The following REV1 variants were observed in gnomAD, a reference collection of about 807,000 sequenced individuals.
REV1 encodes the protein translesion synthesis protein REV1.
REV1 carries 42 observed loss-of-function variants against 137.4 expected under a neutral mutation model. The observed-to-expected ratio is 0.31, with a 90% CI of 0.24 to 0.40. The LOEUF is 0.40. Among genes scored for constraint, REV1 ranks in the 10% least tolerant of loss-of-function variants. REV1 has a pLI of 1.00. For missense variants in REV1, 1,282 were observed against 1,490.1 expected, an observed-to-expected ratio of 0.86 and a Z score of 2.30; for synonymous variants, 524 against 519.2, an observed-to-expected ratio of 1.01 and a Z score of -0.12.
At chr2:99,437,445 T>C (rs1043225634) in intron 6 of REV1, among the ~76,000 whole-genome samples, 1 of 151,972 alleles carries the variant, frequency 6.6e-6, no homozygotes, top group African/African-American at 2.4e-5. Context: ...TGCTAAACTA[T>C]CTAACTCCAA....
chr2:99,468,468 T>C (rs1271456455), intron 1 of REV1, among the ~76,000 whole-genome samples: 1 of 152,230 alleles, frequency 6.6e-6, no homozygotes, highest in Non-Finnish European at 1.5e-5. Flanking sequence ...CAATGTGTCC[T>C]CTTGACTAAA....
intron 12 of REV1, among the ~76,000 whole-genome samples, chr2:99,417,442 C>A (rs1158435908): frequency 6.6e-6 from 1 of 152,094 alleles, no homozygotes; most frequent in African/African-American, 2.4e-5. Flanking sequence ...CCATGCCCGG[C>A]CACAGTGTGA....
intron 9 of REV1, among the ~76,000 whole-genome samples, chr2:99,425,121 G>T (rs1463985879): frequency 6.6e-6 from 1 of 152,044 alleles, no homozygotes; most frequent in Non-Finnish European, 1.5e-5. Flanking sequence ...TAGGATAATG[G>T]TTATTCTATA....
At chr2:99,438,251 A>G (rs986680010) in intron 6 of REV1, among the ~76,000 whole-genome samples, 2 of 152,206 alleles carry the variant, frequency 1.3e-5, no homozygotes, top group Non-Finnish European at 2.9e-5. Context: ...ACTCTTATCA[A>G]ACCAATTTCA....
chr2:99,482,172 A>T (rs1323214091), intron 1 of REV1, among the ~76,000 whole-genome samples: 1 of 152,246 alleles, frequency 6.6e-6, no homozygotes, highest in Non-Finnish European at 1.5e-5. Flanking sequence ...ATGTAATAAA[A>T]GTCCCATAAA....
At chr2:99,405,021 C>T (rs192641349) in intron 17 of REV1, among the ~76,000 whole-genome samples, 22 of 152,290 alleles carry the variant, frequency 1.4e-4, no homozygotes, top group Admixed American at 2.0e-4. Context: ...AGATCCCACC[C>T]CAGGGAGGGG....
Position 99,402,950 on chromosome 2 carries a change from C to T in REV1, c.3323G>A (p.Ser1108Asn). The change falls in exon 20 of 23, where the codon AGT (serine) becomes AAT (asparagine). Residue 1108 changes from serine to asparagine, a missense_variant. By Grantham distance (46) the Ser-to-Asn change is conservative. Around this residue, in one of 7 missense-constraint regions of REV1, gnomAD observed 170 missense variants for 156.8 expected, o/e 1.08. Transcript: ENST00000258428. ...AAACCCATCAATTAACTTCTGGGGA[C>T]TGCCACAGGCCCCTGGCAGAGTTTT... The part of the protein sequence containing the change: ...PAKTLPGACG[S>N]PQKLIDGFLK... 6.2e-7 allele frequency: 1 copy of T among 1,614,244 alleles called. No individual in the cohort carries two copies. Among genetic ancestry groups the T allele is most frequent in the Non-Finnish European group, 8.5e-7 (1 of 1,180,050 alleles).
At chr2:99,481,576 T>C (rs1055170016) in intron 1 of REV1, among the ~76,000 whole-genome samples, 1 of 152,128 alleles carries the variant, frequency 6.6e-6, no homozygotes, top group African/African-American at 2.4e-5. Flanking sequence ...TAATAAAGAA[T>C]TTGGGGCCCA....
chr2:99,475,848 G>A (rs1685912430), intron 1 of REV1, among the ~76,000 whole-genome samples: 1 of 152,122 alleles, frequency 6.6e-6, no homozygotes. Flanking sequence ...GTCAGGCGTG[G>A]TGGTGGGAGC....
At chr2:99,451,614 GCTTTCTCCT>G in intron 3 of REV1, 2 of 565,764 alleles carry the variant, frequency 3.5e-6, no homozygotes, top group Non-Finnish European at 6.0e-6. Flanking sequence ...ACTTCTTTAG[GCTTTCTCCT>G]CTTTCTCCAT....
intron 10 of REV1, among the ~76,000 whole-genome samples, chr2:99,423,742 A>C (rs1451884903): frequency 6.6e-6 from 1 of 152,222 alleles, no homozygotes; most frequent in Non-Finnish European, 1.5e-5. Context: ...TAAAGGTTTT[A>C]AAGTGTCTCC....
intron 4 of REV1, among the ~76,000 whole-genome samples, chr2:99,447,769 TG>T (rs1682409099): frequency 6.6e-6 from 1 of 151,660 alleles, no homozygotes; most frequent in South Asian, 2.1e-4. Context: ...TTGCCCAGGC[TG>T]GTGCAGTGGC....
chr2:99,427,749 G>A (rs940349913), intron 9 of REV1, among the ~76,000 whole-genome samples: 11 of 151,942 alleles, frequency 7.2e-5, no homozygotes, highest in Non-Finnish European at 1.3e-4. Flanking sequence ...TCACAATTAA[G>A]GGACAAAAAT....
rs759569824 is a variant in REV1, at chr2:99,403,771, C to T, written c.3090G>A (p.Arg1030=). 6.2e-7 allele frequency: 1 copy of T among 1,614,162 alleles called. No individual in the cohort carries two copies. Among genetic ancestry groups the T allele is most frequent in the Non-Finnish European group, 8.5e-7 (1 of 1,180,036 alleles). The change falls in exon 19 of 23, where the codon AGG becomes AGA. Residue 1030 remains arginine, a synonymous_variant. Transcript: ENST00000258428. ...VFAALPAELQ[R]ELKAAYDQRQ... Reference sequence around the variant, plus strand: ...TTTGATCATACGCTGCTTTCAGCTCCCTCTGAAGTTCAGCAGGAAGGGCAG... The same window carrying T: ...TTTGATCATACGCTGCTTTCAGCTCTCTCTGAAGTTCAGCAGGAAGGGCAG...
At chr2:99,461,539 C>A (rs28369951) in intron 3 of REV1, among the ~76,000 whole-genome samples, 2,000 of 152,256 alleles carry the variant, frequency 0.013, 44 homozygotes, top group African/African-American at 0.046. Context: ...AGGTATCAGC[C>A]AGCTGAGAAG....
At chr2:99,429,697 C>T (rs1679864603) in intron 9 of REV1, 143 bp downstream of exon 9, 7 of 532,424 alleles carry the variant, frequency 1.3e-5, no homozygotes, top group African/African-American at 2.0e-5. Flanking sequence ...TTGTGGGGGG[C>T]ATAGATGAGA....
chr2:99,444,051 A>G lies in REV1; in HGVS notation c.351-1582T>C, dbSNP rs191101437. ...TAGCCAGGATGGTCTCGATCTCCTGACCTCGTGATCCACCCGCCTCTGCCT... is the reference window on the plus strand; with the variant it reads ...TAGCCAGGATGGTCTCGATCTCCTGGCCTCGTGATCCACCCGCCTCTGCCT... On this transcript the variant is annotated intron_variant, in intron 4 of 22. Transcript: ENST00000258428. Among the ~76,000 whole-genome samples the G allele has an allele frequency of 2.9e-3, 445 of 152,066 alleles. 3 individuals carry two copies. The highest frequency in any genetic ancestry group is 0.01 in the African/African-American group (431 of 41,498).
At chr2:99,406,606 T>C in intron 15 of REV1, 116 bp from the exon 16 acceptor site, 1 of 807,048 alleles carries the variant, frequency 1.2e-6, no homozygotes, top group Non-Finnish European at 1.8e-6. Flanking sequence ...GTTTCTAGAA[T>C]AAAGGTAAAT....
chr2:99,402,595 G>A lies in REV1; in HGVS notation c.3541+49C>T, dbSNP rs775589635. Reference sequence around the variant, plus strand: ...TAGTCTGTTTATGTTCTCAAATCATGAGACGACTACATCTCAGCCTTGGGC... The same window carrying A: ...TAGTCTGTTTATGTTCTCAAATCATAAGACGACTACATCTCAGCCTTGGGC... On this transcript the variant is annotated intron_variant, in intron 21 of 22. Coordinates refer to ENST00000258428, the MANE Select transcript of REV1 (RefSeq NM_016316.4). 8 of 1,545,168 alleles carry A rather than the reference G, an allele frequency of 5.2e-6. No individual in the cohort carries two copies. In the African/African-American group the frequency reaches 1.1e-4, roughly 21 times the overall value.
Sources: allele counts gnomAD v4.1 joint callset (sites outside exome capture counted in the v4.1 genomes callset), GRCh38; gene constraint gnomAD v4.1.1; regional missense constraint gnomAD v4.1.1; transcripts MANE v1.5; gene names NCBI Gene and HGNC (gene_info 2026-07-23, HGNC 2026-07-21).